The following SPAG17 variants were observed in gnomAD, a reference collection of about 807,000 sequenced individuals.
SPAG17 encodes sperm associated antigen 17.
A neutral mutation model predicts 273.6 loss-of-function variants in SPAG17; 169 were observed. The observed-to-expected ratio is 0.62, with a 90% confidence interval of 0.55 to 0.70. The LOEUF is 0.70. Ranked by LOEUF, SPAG17 falls within the 30% of genes least tolerant of loss-of-function variation. SPAG17 has a pLI of 0.00. For missense variants in SPAG17, 2,557 were observed against 2,627.8 expected, an observed-to-expected ratio of 0.97 and a Z score of 0.59; for synonymous variants, 825 against 873.2, an observed-to-expected ratio of 0.94 and a Z score of 0.97.
chr1:118,073,017 G>A (rs2102099545), intron 17 of SPAG17, among the ~76,000 whole-genome samples: 1 of 152,196 alleles, frequency 6.6e-6, no homozygotes, highest in South Asian at 2.1e-4. Flanking sequence ...GGAGTGGGGT[G>A]GGGATGGGGG....
chr1:118,049,748 G>A (rs1038758229), intron 20 of SPAG17, among the ~76,000 whole-genome samples: 10 of 152,216 alleles, frequency 6.6e-5, no homozygotes, highest in African/African-American at 2.2e-4. Flanking sequence ...AAAAACTAGA[G>A]ATATTGTTAC....
chr1:117,981,228 G>A, intron 43 of SPAG17, 42 bp downstream of exon 43: 3 of 1,527,558 alleles, frequency 2.0e-6, no homozygotes, highest in African/African-American at 1.4e-5. Context: ...AAGACATAAT[G>A]TTCAGTTTCA....
intron 1 of SPAG17, among the ~76,000 whole-genome samples, chr1:118,157,402 C>A (rs1659707593): frequency 1.3e-5 from 2 of 152,052 alleles, no homozygotes; most frequent in Admixed American, 1.3e-4. Context: ...TGTGACCTAG[C>A]CTTAAGTAAT....
chr1:118,179,337 A>G (rs552606399), intron 1 of SPAG17, among the ~76,000 whole-genome samples: 1 of 152,136 alleles, frequency 6.6e-6, no homozygotes, highest in East Asian at 1.9e-4. Context: ...ATAGGAAAGG[A>G]CAGTCTCTTC....
intron 3 of SPAG17, among the ~76,000 whole-genome samples, chr1:118,139,833 T>C (rs1658570703): frequency 6.6e-6 from 1 of 152,142 alleles, no homozygotes; most frequent in South Asian, 2.1e-4. Context: ...ATTGTTTGAA[T>C]GTCTCCTCCA....
chr1:118,112,576 T>C (rs1656841555), intron 4 of SPAG17, among the ~76,000 whole-genome samples: 1 of 152,152 alleles, frequency 6.6e-6, no homozygotes, highest in African/African-American at 2.4e-5. Flanking sequence ...AGTTCTAAAA[T>C]ACTAAAATAT....
chr1:118,085,014 A>G (rs1226018020), intron 13 of SPAG17, among the ~76,000 whole-genome samples: 9 of 152,174 alleles, frequency 5.9e-5, no homozygotes, highest in Non-Finnish European at 1.3e-4. Flanking sequence ...TTCTCTCAAG[A>G]TAGGATTAAA....
chr1:118,023,039 C>T (rs1647292044), intron 28 of SPAG17, among the ~76,000 whole-genome samples: 1 of 152,090 alleles, frequency 6.6e-6, no homozygotes, highest in Non-Finnish European at 1.5e-5. Flanking sequence ...CCTAAAACAG[C>T]AGCTTAGGCA....
intron 4 of SPAG17, among the ~76,000 whole-genome samples, chr1:118,108,338 A>G (rs1656537842): frequency 1.3e-5 from 2 of 152,306 alleles, no homozygotes; most frequent in Non-Finnish European, 2.9e-5. Flanking sequence ...ATCATTTCCT[A>G]TCTTTCATTT....
intron 11 of SPAG17, 35 bp from the exon 12 acceptor site, chr1:118,086,819 G>A: frequency 6.2e-7 from 1 of 1,613,994 alleles, no homozygotes; most frequent in Non-Finnish European, 8.5e-7. Context: ...TTTAAAGAGA[G>A]GATCTATACT....
intron 38 of SPAG17, among the ~76,000 whole-genome samples, chr1:117,990,273 C>T (rs1172856376): frequency 6.6e-6 from 1 of 152,222 alleles, no homozygotes; most frequent in Non-Finnish European, 1.5e-5. Context: ...GAATGAAGCG[C>T]ATGGCTGCCA....
At chr1:118,008,808 C>T (rs1273275929) in intron 30 of SPAG17, among the ~76,000 whole-genome samples, 2 of 152,142 alleles carry the variant, frequency 1.3e-5, no homozygotes, top group Non-Finnish European at 2.9e-5. Context: ...ATGTATCCAT[C>T]CATCTATCTA....
rs1446949483 is a variant in SPAG17, at chr1:117,990,851, T to C, written c.5521+10A>G. On this transcript the variant is annotated intron_variant, in intron 38 of 48. Transcript: ENST00000336338. ...AAATATACTGCAGAAGAATATTAAA[T>C]GCAACTTACCTTCAGTAACATGACT... 7.7e-6 allele frequency: 12 copies of C among 1,552,710 alleles called. No homozygotes were observed. Among genetic ancestry groups the C allele is most frequent in the Middle Eastern group, 1.7e-4 (1 of 5,936 alleles).
chr1:118,144,528 T>G (rs1188596380), intron 3 of SPAG17, among the ~76,000 whole-genome samples: 1 of 152,246 alleles, frequency 6.6e-6, no homozygotes, highest in Non-Finnish European at 1.5e-5. Flanking sequence ...AGCTTGATAT[T>G]CCCAAATTTT....
intron 26 of SPAG17, among the ~76,000 whole-genome samples, chr1:118,026,749 A>G (rs989319915): frequency 3.3e-5 from 5 of 152,180 alleles, no homozygotes; most frequent in Non-Finnish European, 5.9e-5. Flanking sequence ...ATTTTCTTAT[A>G]TTACAAAAGC....
chr1:118,176,159 A>C (rs1439975331), intron 1 of SPAG17, among the ~76,000 whole-genome samples: 2 of 152,216 alleles, frequency 1.3e-5, no homozygotes, highest in Non-Finnish European at 2.9e-5. Flanking sequence ...AAAATCACCT[A>C]ATCACAAAGG....
At chr1:117,958,963 A>C in intron 48 of SPAG17, 1 of 1,614,030 alleles carries the variant, frequency 6.2e-7, no homozygotes, top group Non-Finnish European at 8.5e-7. Context: ...GTGATAGAAA[A>C]ATTAAGGGAA....
chr1:118,184,432 G>C (rs1661085986), intron 1 of SPAG17, among the ~76,000 whole-genome samples: 1 of 152,126 alleles, frequency 6.6e-6, no homozygotes, highest in Admixed American at 6.5e-5. Context: ...GAAGTCCTGT[G>C]GTAGGTGGTT....
chr1:118,016,430 GC>G (rs1356707140), intron 28 of SPAG17, among the ~76,000 whole-genome samples: 1 of 152,098 alleles, frequency 6.6e-6, no homozygotes, highest in Non-Finnish European at 1.5e-5. Context: ...TGCTTACACA[GC>G]TCACTGTCTA....
Sources: gnomAD v4.1 joint callset for allele counts (sites outside exome capture counted in the v4.1 genomes callset) on GRCh38, gnomAD v4.1.1 for gene constraint, MANE v1.5 for transcripts, NCBI Gene and HGNC (gene_info 2026-07-23, HGNC 2026-07-21) for gene names.